AUTS2: variants seen among roughly 807,000 people sequenced by gnomAD.
The protein encoded by AUTS2 is autism susceptibility gene 2 protein.
A neutral mutation model predicts 112.4 loss-of-function variants in AUTS2; 17 were observed. That is an observed-to-expected ratio of 0.15 (90% CI 0.10 to 0.23). The LOEUF (loss-of-function observed/expected upper bound fraction) is 0.23. Among genes scored for constraint, AUTS2 ranks in the 10% least tolerant of loss-of-function variants. The pLI is 1.00. For synonymous variants in AUTS2, 751 were observed against 702.7 expected (o/e 1.07, Z -1.09); for missense variants, 1,510 against 1,701.6 (o/e 0.89, Z 1.98).
intron 1 of AUTS2, among the ~76,000 whole-genome samples, chr7:69,663,691 G>A (rs946775674): frequency 6.6e-6 from 1 of 152,126 alleles, no homozygotes; most frequent in African/African-American, 2.4e-5. Context: ...TGGATGGGGA[G>A]GTATACTCTA....
chr7:70,637,629 A>G (rs968366164), intron 5 of AUTS2, among the ~76,000 whole-genome samples: 24 of 152,188 alleles, frequency 1.6e-4, no homozygotes, highest in Non-Finnish European at 2.5e-4. Flanking sequence ...AGGCCTCAGG[A>G]GGTAGGAAGA....
At chr7:70,371,319 C>A (rs558549691) in intron 4 of AUTS2, among the ~76,000 whole-genome samples, 1 of 152,168 alleles carries the variant, frequency 6.6e-6, no homozygotes, top group Non-Finnish European at 1.5e-5. Flanking sequence ...TTGAAAGACA[C>A]CATTGTAAAT....
At chr7:70,224,697 C>T (rs940491471) in intron 4 of AUTS2, among the ~76,000 whole-genome samples, 3 of 152,214 alleles carry the variant, frequency 2.0e-5, no homozygotes, top group African/African-American at 7.2e-5. Flanking sequence ...CTCACTCACT[C>T]ACCTAGAGCT....
At chr7:70,295,895 A>G (rs1584985674) in intron 4 of AUTS2, among the ~76,000 whole-genome samples, 1 of 152,198 alleles carries the variant, frequency 6.6e-6, no homozygotes, top group Non-Finnish European at 1.5e-5. Context: ...ATATTAACTC[A>G]TCTTAGTAAT....
At chr7:70,273,436 A>G (rs571811390) in intron 4 of AUTS2, among the ~76,000 whole-genome samples, 23 of 152,022 alleles carry the variant, frequency 1.5e-4, no homozygotes, top group African/African-American at 5.6e-4. Flanking sequence ...TAAAATTTCT[A>G]AAGAAGTAGT....
At chr7:69,847,142 C>G (rs988128284) in intron 1 of AUTS2, among the ~76,000 whole-genome samples, 1 of 152,134 alleles carries the variant, frequency 6.6e-6, no homozygotes, top group Non-Finnish European at 1.5e-5. Context: ...TATTACTTGT[C>G]CTGTCTTTCA....
intron 4 of AUTS2, among the ~76,000 whole-genome samples, chr7:70,183,629 T>C (rs1809442337): frequency 6.6e-6 from 1 of 152,070 alleles, no homozygotes; most frequent in Admixed American, 6.6e-5. Flanking sequence ...GCTGGTTAAT[T>C]CCCTTTCCTC....
chr7:70,008,373 T>A (rs1034819935), intron 2 of AUTS2, among the ~76,000 whole-genome samples: 2 of 152,196 alleles, frequency 1.3e-5, no homozygotes, highest in African/African-American at 4.8e-5. Flanking sequence ...TAATACTTTT[T>A]GTTTTTGTTT....
intron 5 of AUTS2, among the ~76,000 whole-genome samples, chr7:70,488,408 C>CA (rs1798103558): frequency 6.6e-6 from 1 of 152,176 alleles, no homozygotes; most frequent in African/African-American, 2.4e-5. Flanking sequence ...GTAATCCCCC[C>CA]AGTCGGTCTG....
chr7:69,717,949 G>T (rs1162715481), intron 1 of AUTS2, among the ~76,000 whole-genome samples: 1 of 152,116 alleles, frequency 6.6e-6, no homozygotes, highest in Non-Finnish European at 1.5e-5. Context: ...CAGCAAAGGA[G>T]GCCAAAGATT....
At chr7:70,206,881 A>C (rs889880003) in intron 4 of AUTS2, among the ~76,000 whole-genome samples, 7 of 152,188 alleles carry the variant, frequency 4.6e-5, no homozygotes, top group African/African-American at 1.7e-4. Flanking sequence ...TAGATCTGGG[A>C]CTTAAGGTGG....
chr7:69,725,973 T>A (rs928099529), intron 1 of AUTS2, among the ~76,000 whole-genome samples: 1 of 124,824 alleles, frequency 8.0e-6, no homozygotes, highest in South Asian at 2.3e-4. Context: ...AGTTAGATTA[T>A]TTTTTTTCCC....
At chr7:70,630,329 C>G (rs964305165) in intron 5 of AUTS2, among the ~76,000 whole-genome samples, 3 of 152,140 alleles carry the variant, frequency 2.0e-5, no homozygotes, top group African/African-American at 7.2e-5. Context: ...CCCTCTTTGC[C>G]AAATCTCTGC....
chr7:70,682,742 A>G (rs1345501379), intron 5 of AUTS2, among the ~76,000 whole-genome samples: 1 of 152,244 alleles, frequency 6.6e-6, no homozygotes, highest in Admixed American at 6.5e-5. Flanking sequence ...GGCTCTGCAG[A>G]GAAGCTTCCT....
chr7:70,466,871 C>T (rs546404431), intron 5 of AUTS2, among the ~76,000 whole-genome samples: 17 of 152,080 alleles, frequency 1.1e-4, no homozygotes, highest in South Asian at 6.2e-4. Context: ...GTGTGGAGGA[C>T]GGATTGAGGG....
chr7:70,674,996 T>C (rs767660297), intron 5 of AUTS2, among the ~76,000 whole-genome samples: 3 of 152,212 alleles, frequency 2.0e-5, no homozygotes, highest in Non-Finnish European at 2.9e-5. Flanking sequence ...TTGATGCACC[T>C]CCTGCACCCT....
chr7:69,725,631 G>C (rs61510749), intron 1 of AUTS2, among the ~76,000 whole-genome samples: 2,943 of 152,260 alleles, frequency 0.019, 94 homozygotes, highest in African/African-American at 0.064. Flanking sequence ...AATGAGGCTG[G>C]AGAACTGGGT....
At chr7:70,606,193 C>T (rs576022593) in intron 5 of AUTS2, among the ~76,000 whole-genome samples, 64 of 152,326 alleles carry the variant, frequency 4.2e-4, no homozygotes, top group African/African-American at 1.3e-3. Context: ...GAGATAATTA[C>T]GCTACCTCCA....
intron 2 of AUTS2, among the ~76,000 whole-genome samples, chr7:70,007,700 G>C (rs1007144952): frequency 6.6e-6 from 1 of 152,184 alleles, no homozygotes; most frequent in Non-Finnish European, 1.5e-5. Context: ...AGGTCACACA[G>C]TGCGCAATAG....
Sources: gnomAD v4.1 joint callset for allele counts (sites outside exome capture counted in the v4.1 genomes callset) on GRCh38, gnomAD v4.1.1 for gene constraint, MANE v1.5 for transcripts, NCBI Gene and HGNC (gene_info 2026-07-23, HGNC 2026-07-21) for gene names.